WDR76: variants seen among roughly 807,000 people sequenced by gnomAD.
WDR76 encodes the protein WD repeat-containing protein 76.
A neutral mutation model predicts 70.2 loss-of-function variants in WDR76; 52 were observed. The observed-to-expected ratio is 0.74, with a 90% confidence interval of 0.59 to 0.93. The LOEUF (loss-of-function observed/expected upper bound fraction) is 0.93. Among genes scored for constraint, WDR76 ranks in the 40% least tolerant of loss-of-function variants. The pLI is 0.00. For missense variants in WDR76, 756 were observed against 760.2 expected, an observed-to-expected ratio of 0.99 and a Z score of 0.07; for synonymous variants, 292 against 271.1, an observed-to-expected ratio of 1.08 and a Z score of -0.76.
chr15:43,841,246 A>G (rs530359319), intron 5 of WDR76, among the ~76,000 whole-genome samples: 2 of 131,082 alleles, frequency 1.5e-5, no homozygotes, highest in South Asian at 4.8e-4. Flanking sequence ...TCTGTTGCCC[A>G]GGCTGGAGTG....
intron 7 of WDR76, among the ~76,000 whole-genome samples, chr15:43,843,445 G>A (rs1567186167): frequency 6.6e-6 from 1 of 152,098 alleles, no homozygotes; most frequent in East Asian, 1.9e-4. Context: ...GGTATTTGCG[G>A]TTGTTTTCCA....
Position 43,835,075 on chromosome 15 carries a change from G to C in WDR76, c.477G>C (p.Leu159Phe). The change falls in exon 3 of 13, where the codon TTG becomes TTC. Residue 159 changes from leucine to phenylalanine, a missense_variant. Leu to Phe is a conservative substitution (Grantham distance 22). Transcript: ENST00000263795. Reference sequence around the variant, plus strand: ...TAATTTTATAGGATTTTTCGGGATTGTCACCCTACGAAAGGAAGAGACTGA... The same window carrying C: ...TAATTTTATAGGATTTTTCGGGATTCTCACCCTACGAAAGGAAGAGACTGA... ...DTTPSLDFSG[L>F]SPYERKRLKN... is the part of the protein sequence containing the mutation. The C allele has an allele frequency of 6.2e-7, 1 of 1,614,064 alleles. No homozygotes were observed. Among genetic ancestry groups the C allele is most frequent in the Non-Finnish European group, 8.5e-7 (1 of 1,179,986 alleles).
At chr15:43,853,181 G>T (rs569303032) in intron 9 of WDR76, among the ~76,000 whole-genome samples, 2 of 151,464 alleles carry the variant, frequency 1.3e-5, no homozygotes, top group Admixed American at 6.6e-5. Context: ...GAGCCACCAC[G>T]CCTGGCCTTA....
chr15:43,831,815 A>AT (rs1464574722), intron 2 of WDR76, among the ~76,000 whole-genome samples: 15 of 151,436 alleles, frequency 9.9e-5, no homozygotes, highest in Admixed American at 1.3e-4. Flanking sequence ...CGAGGCAAAT[A>AT]CTTTGCATAT....
rs559188783 is a variant in WDR76, at chr15:43,839,083, A to C, written c.609-522A>C. ...TTTAAAAATGAAAAAATAGTGCATAAAAAAATAGAGAATGTATATTATTTA... is the reference window on the plus strand; with the variant it reads ...TTTAAAAATGAAAAAATAGTGCATACAAAAATAGAGAATGTATATTATTTA... On this transcript the variant is annotated intron_variant, in intron 4 of 12. Transcript: ENST00000263795. Among the ~76,000 whole-genome samples the C allele has an allele frequency of 2.8e-4, 42 of 152,274 alleles. No homozygotes were observed. The South Asian group carries it at 8.7e-3, about 32-fold the overall frequency.
At chr15:43,860,308 A>G (rs149088041) in intron 11 of WDR76, among the ~76,000 whole-genome samples, 1 of 152,204 alleles carries the variant, frequency 6.6e-6, no homozygotes, top group East Asian at 1.9e-4. Flanking sequence ...AAATGACACT[A>G]TCAGGCCTTC....
intron 8 of WDR76, among the ~76,000 whole-genome samples, chr15:43,845,166 G>A (rs572727299): frequency 5.4e-5 from 8 of 148,668 alleles, no homozygotes; most frequent in African/African-American, 1.7e-4. Context: ...TTTCCCCATG[G>A]TCTTGATCTC....
intron 8 of WDR76, among the ~76,000 whole-genome samples, chr15:43,845,866 T>G (rs1415233616): frequency 6.7e-6 from 1 of 150,096 alleles, no homozygotes; most frequent in African/African-American, 2.4e-5. Flanking sequence ...TTAATGAAGG[T>G]GAAGAAATAG....
At chr15:43,832,739 C>CTTTTTTT (rs1567182112) in intron 2 of WDR76, among the ~76,000 whole-genome samples, 1 of 62,262 alleles carries the variant, frequency 1.6e-5, no homozygotes, top group African/African-American at 4.3e-5. Flanking sequence ...ACCCGGCTTG[C>CTTTTTTT]TTTGTTTTTT....
At position 43,846,480 on chromosome 15, in the gene WDR76, C is replaced by T. The variant is rs2087789921; in HGVS notation, c.1032+2426C>T. 2.0e-5 allele frequency among the ~76,000 whole-genome samples: 3 copies of T among 148,746 alleles called. 1 individual carries two copies. Among genetic ancestry groups the T allele is most frequent in the Admixed American group, 2.0e-4 (3 of 14,934 alleles). On this transcript the variant is annotated intron_variant, in intron 8 of 12. Transcript: ENST00000263795. ...TTTAACTTTTTGTAGAGATGGGTCT[C>T]ACTATGTTGCCTAGGCTCATCTCAA...
intron 2 of WDR76, among the ~76,000 whole-genome samples, chr15:43,834,330 C>T (rs560453793): frequency 2.1e-4 from 26 of 125,054 alleles, no homozygotes; most frequent in East Asian, 4.7e-4. Context: ...GACGGAGTTT[C>T]GCTCTTATTG....
chr15:43,847,939 C>G (rs144308117), intron 8 of WDR76, among the ~76,000 whole-genome samples: 179 of 152,146 alleles, frequency 1.2e-3, no homozygotes, highest in Middle Eastern at 3.4e-3. Context: ...TATAAGATCC[C>G]TCATGCTGGC....
chr15:43,867,609 G>A lies in WDR76; in HGVS notation c.*1217G>A, dbSNP rs2088090472. On this transcript the variant is annotated 3_prime_UTR_variant, in exon 13 of 13. Transcript: ENST00000263795. The stretch of plus-strand genomic sequence containing the variant: ...TATAGTACCATGGGTAATGGATAAA[G>A]AAGTTAAAGCTACTGCTTAGAATGA... 1 of 151,392 alleles carries A rather than the reference G, an allele frequency of 6.6e-6. No individual in the cohort carries two copies. Among genetic ancestry groups the A allele is most frequent in the Admixed American group, 6.6e-5 (1 of 15,212 alleles). 9.4% of individuals were successfully genotyped at this position (151,392 alleles called of 1,614,324 possible).
At chr15:43,862,407 T>C (rs1050133541) in intron 12 of WDR76, among the ~76,000 whole-genome samples, 1 of 147,742 alleles carries the variant, frequency 6.8e-6, no homozygotes, top group African/African-American at 2.5e-5. Flanking sequence ...AGCCTCCGCC[T>C]CCTGGGTGCA....
chr15:43,860,909 T>C (rs1217954936), intron 11 of WDR76, among the ~76,000 whole-genome samples: 1 of 132,460 alleles, frequency 7.5e-6, no homozygotes, highest in Non-Finnish European at 1.6e-5. Context: ...CTGATCTTAC[T>C]CTTTTTTTTT....
Position 43,827,043 on chromosome 15 carries a change from CG to C in WDR76, c.14del (p.Gly5AlafsTer15), listed in dbSNP as rs749249727. 1.3e-5 allele frequency: 21 copies of C among 1,613,974 alleles called. No individual in the cohort carries two copies. The South Asian group carries it at 2.2e-4, about 17-fold the overall frequency. ...CTAAGAAGCCGAAAGATGTCCAGGT[CG>C]GGCGCGGCGGCTGAGAAGGCGGACT... MSRSGAAAEKADSR... is the reference protein window; with the variant it reads MSRXGAAAEKADSR... On this transcript the variant is annotated frameshift_variant, in exon 1 of 13. Coordinates refer to ENST00000263795, the MANE Select transcript of WDR76 (RefSeq NM_024908.4). LOFTEE classifies it high-confidence loss of function.
intron 1 of WDR76, 39 bp from the exon 2 acceptor site, chr15:43,827,926 G>C (rs1567180213): frequency 6.5e-7 from 1 of 1,534,326 alleles, no homozygotes; most frequent in Non-Finnish European, 8.8e-7. Flanking sequence ...ACAGGACTTG[G>C]AGTTCTAATA....
chr15:43,831,740 T>C (rs1048881004), intron 2 of WDR76, among the ~76,000 whole-genome samples: 1 of 151,556 alleles, frequency 6.6e-6, no homozygotes, highest in Non-Finnish European at 1.5e-5. Flanking sequence ...GCGCATGCCA[T>C]GTCTTTCTTT....
chr15:43,837,432 G>A (rs577252414), intron 4 of WDR76, among the ~76,000 whole-genome samples: 11 of 152,256 alleles, frequency 7.2e-5, no homozygotes, highest in African/African-American at 2.4e-4. Context: ...TTTTTTATTA[G>A]CCAAGATTGG....
Sources: allele counts gnomAD v4.1 joint callset (sites outside exome capture counted in the v4.1 genomes callset), GRCh38; gene constraint gnomAD v4.1.1; transcripts MANE v1.5; gene names NCBI Gene and HGNC (gene_info 2026-07-23, HGNC 2026-07-21).